TERF1: variants seen among roughly 807,000 people sequenced by gnomAD.
TERF1 encodes telomeric repeat binding factor 1, also known as telomeric repeat-binding factor 1.
A neutral mutation model predicts 55.1 loss-of-function variants in TERF1; 20 were observed. That is an observed-to-expected ratio of 0.36 (90% CI 0.26 to 0.53). The LOEUF (loss-of-function observed/expected upper bound fraction) is 0.53, where lower values mean the gene tolerates loss of function less well. Ranked by LOEUF, TERF1 falls within the 20% of genes least tolerant of loss-of-function variation. The pLI, the probability that TERF1 is intolerant of heterozygous loss-of-function variation, is 0.91. For synonymous variants in TERF1, 168 were observed against 181.2 expected, an observed-to-expected ratio of 0.93 and a Z score of 0.59; for missense variants, 439 against 535.7, an observed-to-expected ratio of 0.82 and a Z score of 1.78.
intron 9 of TERF1, among the ~76,000 whole-genome samples, chr8:73,041,861 T>C (rs918930187): frequency 6.6e-6 from 1 of 152,154 alleles, no homozygotes; most frequent in Non-Finnish European, 1.5e-5. Flanking sequence ...TTTTTAACTC[T>C]GAAGCTTATC....
intron 4 of TERF1, among the ~76,000 whole-genome samples, chr8:73,023,518 T>A (rs969051050): frequency 6.6e-6 from 1 of 152,192 alleles, no homozygotes; most frequent in Non-Finnish European, 1.5e-5. Context: ...ACCCTGTACC[T>A]GGGGTATAAC....
intron 8 of TERF1, among the ~76,000 whole-genome samples, chr8:73,036,047 T>C (rs1809493202): frequency 6.6e-6 from 1 of 152,198 alleles, no homozygotes; most frequent in Non-Finnish European, 1.5e-5. Flanking sequence ...ATGTAGTTGT[T>C]CAGATTTCCC....
At chr8:73,033,019 CT>C (rs1336944968) in intron 8 of TERF1, among the ~76,000 whole-genome samples, 19 of 129,200 alleles carry the variant, frequency 1.5e-4, no homozygotes, top group African/African-American at 5.4e-4. Context: ...TCCCTCCCCC[CT>C]CCCCCCTGAG....
intron 8 of TERF1, among the ~76,000 whole-genome samples, chr8:73,037,146 TTATAA>T (rs926043314): frequency 1.1e-4 from 13 of 121,722 alleles, no homozygotes; most frequent in East Asian, 6.1e-4. Flanking sequence ...AATTTATATA[TTATAA>T]TATATAATAA....
At chr8:73,031,553 A>C (rs1809286181) in intron 7 of TERF1, 1 of 152,208 alleles carries the variant, frequency 6.6e-6, no homozygotes, top group Admixed American at 6.5e-5. Context: ...AGAGTTTTCA[A>C]AAAAAATGAT....
intron 2 of TERF1, among the ~76,000 whole-genome samples, chr8:73,017,143 A>C (rs1359916330): frequency 6.6e-6 from 1 of 152,162 alleles, no homozygotes; most frequent in Non-Finnish European, 1.5e-5. Flanking sequence ...ATTTTTCTCT[A>C]TGTCACATTT....
At chr8:73,031,892 G>A in intron 7 of TERF1, 150 bp from the exon 8 acceptor site, 1 of 486,624 alleles carries the variant, frequency 2.1e-6, no homozygotes, top group Non-Finnish European at 3.6e-6. Context: ...CACAGGTTAA[G>A]ATGGGGTACT....
chr8:73,037,203 TATAATTTATATATAATTATAATATA>T (rs1292671233), intron 8 of TERF1, among the ~76,000 whole-genome samples: 6 of 135,794 alleles, frequency 4.4e-5, no homozygotes, highest in African/African-American at 1.6e-4. Flanking sequence ...TATTATATAA[TATAATTTATATATAATTATAATATA>T]ATAATTTATA....
In TERF1 at chr8:73,047,809, T is replaced by C. The variant is rs1810104060; in HGVS notation, c.*1672T>C. 6.6e-6 allele frequency: 1 copy of C among 152,196 alleles called. No individual in the cohort carries two copies. Among genetic ancestry groups the C allele is most frequent in the Non-Finnish European group, 1.5e-5 (1 of 68,030 alleles). The allele number at this position is 152,196 out of a possible 1,614,324, so 9.4% of individuals were successfully genotyped here. On this transcript the variant is annotated 3_prime_UTR_variant, in exon 10 of 10. Coordinates refer to ENST00000276603, the MANE Select transcript of TERF1 (RefSeq NM_017489.3). ...GATACTGCACTATTTATTGGAGATATTTTGATGATTAGTGCCAAGGCTGGC... is the reference window on the plus strand; with the variant it reads ...GATACTGCACTATTTATTGGAGATACTTTGATGATTAGTGCCAAGGCTGGC...
In TERF1 at chr8:73,046,226, A is replaced by G; in HGVS notation, c.*89A>G. On this transcript the variant is annotated 3_prime_UTR_variant, in exon 10 of 10. Coordinates refer to ENST00000276603, the MANE Select transcript of TERF1 (RefSeq NM_017489.3). ...ACTTGTGTCATTGATGTAATTTAAA[A>G]CTTTTGTTTAAAGCATTACAGTATT... 1 of 1,222,838 alleles carries G rather than the reference A, an allele frequency of 8.2e-7. No homozygotes were observed. The allele number at this position is 1,222,838 out of a possible 1,614,324, so 75.7% of individuals were successfully genotyped here. A position where few individuals can be genotyped will look rare whatever the true frequency, so the allele number is the denominator to read the frequency against.
At chr8:73,026,279 C>A (rs1474761515) in intron 5 of TERF1, among the ~76,000 whole-genome samples, 1 of 151,920 alleles carries the variant, frequency 6.6e-6, no homozygotes, top group East Asian at 1.9e-4. Flanking sequence ...GGGTGGATCG[C>A]TTGAGCCCAG....
In TERF1 at chr8:73,037,709, TTA is replaced by T. The variant is rs1196050773; in HGVS notation, c.1040-1400_1040-1399del. On this transcript the variant is annotated intron_variant, in intron 8 of 9. Coordinates refer to ENST00000276603, the MANE Select transcript of TERF1 (RefSeq NM_017489.3). ...ATATATTATATAGTATAATATTATA[TTA>T]TATATAATATATATTATATAGTATG... 1.4e-3 allele frequency among the ~76,000 whole-genome samples: 117 copies of T among 84,836 alleles called. 6 individuals carry two copies. Among genetic ancestry groups the T allele is most frequent in the African/African-American group, 6.1e-3 (115 of 18,916 alleles). The allele number at this position is 84,836 out of a possible 152,430, so 55.7% of individuals were successfully genotyped here. A position where few individuals can be genotyped will look rare whatever the true frequency, so the allele number is the denominator to read the frequency against.
In TERF1 at chr8:73,009,171, C is replaced by G; in HGVS notation, c.285C>G (p.Ser95=). 3 of 1,610,894 alleles carry G rather than the reference C, an allele frequency of 1.9e-6. No homozygotes were observed. The highest frequency in any genetic ancestry group is 2.5e-6 in the Non-Finnish European group (3 of 1,179,868). ...SLCRAFRDGR[S]EDFRRTRNSA... ...GCCGAGCTTTCCGCGACGGCCGCTC[C>G]GAGGACTTCCGCAGGACCCGCAACA... The change falls in exon 1 of 10, where the codon TCC becomes TCG. Residue 95 remains serine, a synonymous_variant. Transcript: ENST00000276603.
chr8:73,009,600 T>G, intron 1 of TERF1: 1 of 174,400 alleles, frequency 5.7e-6, no homozygotes, highest in African/African-American at 2.4e-5. Context: ...TTATGTTAAT[T>G]TGTGAGCTAT....
chr8:73,028,976 G>A (rs1278111826), intron 6 of TERF1, among the ~76,000 whole-genome samples: 1 of 152,096 alleles, frequency 6.6e-6, no homozygotes, highest in Admixed American at 6.6e-5. Context: ...AGAACTTGCT[G>A]TACACTAGTT....
intron 8 of TERF1, among the ~76,000 whole-genome samples, chr8:73,034,689 C>A (rs554772616): frequency 6.6e-6 from 1 of 152,234 alleles, no homozygotes; most frequent in East Asian, 1.9e-4. Context: ...CAGAAAAACT[C>A]ACCAGCATTG....
At chr8:73,009,252 C>A (rs769191042) in intron 1 of TERF1, 47 bp downstream of exon 1, 2 of 1,566,428 alleles carry the variant, frequency 1.3e-6, no homozygotes, top group Non-Finnish European at 1.7e-6. Flanking sequence ...GGGGCGGATG[C>A]GGGCTCCGTG....
chr8:73,017,884 G>A (rs1328160183), intron 2 of TERF1, among the ~76,000 whole-genome samples: 3 of 151,960 alleles, frequency 2.0e-5, no homozygotes, highest in Non-Finnish European at 4.4e-5. Context: ...TCTATTATTA[G>A]TAGAGACAGG....
In TERF1 at chr8:73,008,895, G is replaced by T; in HGVS notation, c.9G>T (p.Glu3Asp). ...CAAGCGAGCCATTTAACATGGCGGA[G>T]GATGTTTCCTCAGCGGCCCCGAGCC... MAEDVSSAAPSPR... is the reference protein window; with the variant it reads MADDVSSAAPSPR... The change falls in exon 1 of 10, where the codon GAG becomes GAT. Residue 3 changes from glutamate to aspartate, a missense_variant. By Grantham distance (45) the Glu-to-Asp change is conservative. Coordinates refer to ENST00000276603, the MANE Select transcript of TERF1 (RefSeq NM_017489.3). 6.2e-7 allele frequency: 1 copy of T among 1,605,908 alleles called. No individual in the cohort carries two copies. Among genetic ancestry groups the T allele is most frequent in the Non-Finnish European group, 8.5e-7 (1 of 1,176,768 alleles).
Sources: gnomAD v4.1 joint callset for allele counts (sites outside exome capture counted in the v4.1 genomes callset) on GRCh38, gnomAD v4.1.1 for gene constraint, MANE v1.5 for transcripts, NCBI Gene and HGNC (gene_info 2026-07-23, HGNC 2026-07-21) for gene names.